Variants in IGSF11 observed in about 807,000 individuals in gnomAD.
The protein encoded by IGSF11 is CXADR like 1.
IGSF11 carries 22 observed loss-of-function variants against 41.0 expected under a neutral mutation model. That is an observed-to-expected ratio of 0.54 (90% CI 0.38 to 0.77). The LOEUF (loss-of-function observed/expected upper bound fraction) is 0.77, where lower values mean the gene tolerates loss of function less well. Ranked by LOEUF, IGSF11 falls within the 30% of genes least tolerant of loss-of-function variation. IGSF11 has a pLI of 0.00. For synonymous variants in IGSF11, 219 were observed against 201.3 expected (o/e 1.09, Z -0.74); for missense variants, 444 against 530.8 (o/e 0.84, Z 1.61).
chr3:119,076,144 A>G (rs1372237654), intron 1 of IGSF11, among the ~76,000 whole-genome samples: 1 of 152,246 alleles, frequency 6.6e-6, no homozygotes, highest in Non-Finnish European at 1.5e-5. Context: ...AAAACTGACA[A>G]AAACAAGAAA....
intron 1 of IGSF11, among the ~76,000 whole-genome samples, chr3:118,952,928 G>A (rs1421641483): frequency 1.3e-5 from 2 of 151,600 alleles, no homozygotes; most frequent in African/African-American, 4.9e-5. Flanking sequence ...TAGGTTTTTG[G>A]GGAACAGGTG....
intron 1 of IGSF11, among the ~76,000 whole-genome samples, chr3:119,113,799 G>C (rs554866425): frequency 6.6e-6 from 1 of 152,362 alleles, no homozygotes; most frequent in Non-Finnish European, 1.5e-5. Flanking sequence ...CCCTAGTAGA[G>C]GTTCTCCATG....
At chr3:119,043,293 A>T (rs1387851003) in intron 1 of IGSF11, among the ~76,000 whole-genome samples, 2 of 152,178 alleles carry the variant, frequency 1.3e-5, no homozygotes. Context: ...CTGTGCTCTC[A>T]GGCGATAGAT....
At chr3:118,917,181 C>T (rs1417462131) in intron 4 of IGSF11, among the ~76,000 whole-genome samples, 28 of 143,802 alleles carry the variant, frequency 1.9e-4, no homozygotes, top group South Asian at 4.6e-4. Flanking sequence ...GACACCCTAA[C>T]ATCACAATTA....
chr3:118,996,850 C>T (rs1454465283), intron 1 of IGSF11, among the ~76,000 whole-genome samples: 2 of 152,138 alleles, frequency 1.3e-5, no homozygotes, highest in Non-Finnish European at 2.9e-5. Flanking sequence ...CCGCCTGCCT[C>T]GGCCTCCCAA....
chr3:119,052,859 A>T (rs560206749), intron 1 of IGSF11, among the ~76,000 whole-genome samples: 50 of 152,306 alleles, frequency 3.3e-4, no homozygotes, highest in Admixed American at 2.1e-3. Context: ...GTCAATAAAT[A>T]TGATACACCA....
chr3:118,946,295 T>TC (rs1944136017), intron 1 of IGSF11, among the ~76,000 whole-genome samples: 1 of 150,834 alleles, frequency 6.6e-6, no homozygotes, highest in South Asian at 2.1e-4. Flanking sequence ...TCACACAACT[T>TC]CCCCCCGAAA....
intron 1 of IGSF11, among the ~76,000 whole-genome samples, chr3:119,071,116 C>T (rs1471798642): frequency 6.6e-6 from 1 of 152,166 alleles, no homozygotes; most frequent in African/African-American, 2.4e-5. Context: ...ACATGTGAAA[C>T]ACCAGAATCA....
chr3:119,066,877 T>C (rs558029495), intron 1 of IGSF11, among the ~76,000 whole-genome samples: 1 of 152,226 alleles, frequency 6.6e-6, no homozygotes, highest in Non-Finnish European at 1.5e-5. Flanking sequence ...TTTTTAGTTT[T>C]ATACATCTAT....
At chr3:119,039,043 T>C (rs752166598), upstream of IGSF11, among the ~76,000 whole-genome samples, 2 of 152,198 alleles carry the variant, frequency 1.3e-5, no homozygotes, top group Non-Finnish European at 2.9e-5. Flanking sequence ...ACAGCATCCA[T>C]GGTGATCCGA....
intron 1 of IGSF11, among the ~76,000 whole-genome samples, chr3:119,124,432 C>T (rs1374498455): frequency 1.3e-5 from 2 of 150,980 alleles, no homozygotes; most frequent in African/African-American, 2.4e-5. Context: ...ATGCCTGGCT[C>T]ATTTTCATAT....
chr3:118,973,143 C>T (rs777276353), intron 1 of IGSF11, among the ~76,000 whole-genome samples: 2 of 152,316 alleles, frequency 1.3e-5, no homozygotes, highest in South Asian at 2.1e-4. Flanking sequence ...GGATATGCCC[C>T]GCCCAGCAGG....
intron 1 of IGSF11, among the ~76,000 whole-genome samples, chr3:119,089,580 G>A (rs934660935): frequency 4.6e-5 from 7 of 152,304 alleles, no homozygotes; most frequent in Admixed American, 4.6e-4. Flanking sequence ...CCTAGCCAGA[G>A]CAATCAAACA....
intron 1 of IGSF11, among the ~76,000 whole-genome samples, chr3:119,076,795 C>A (rs1312551944): frequency 7.4e-6 from 1 of 135,472 alleles, no homozygotes; most frequent in African/African-American, 2.6e-5. Flanking sequence ...GAAATAGGAA[C>A]ACTTTTTTTT....
rs1408068553 is a variant in IGSF11, at chr3:118,900,934, T to C, written c.*1586A>G. The C allele has an allele frequency of 2.6e-5, 4 of 152,600 alleles. No individual in the cohort carries two copies. Among genetic ancestry groups the C allele is most frequent in the East Asian group, 1.9e-4 (1 of 5,196 alleles). 9.5% of individuals were successfully genotyped at this position (152,600 alleles called of 1,614,324 possible). On this transcript the variant is annotated 3_prime_UTR_variant, in exon 7 of 7. Coordinates refer to ENST00000393775, the MANE Select transcript of IGSF11 (RefSeq NM_001015887.3). Reference sequence around the variant, plus strand: ...AAACAGTGTTTGCAGCAGCTGTTGGTTTCCATTCATTCACATAACTGAAAA... The same window carrying C: ...AAACAGTGTTTGCAGCAGCTGTTGGCTTCCATTCATTCACATAACTGAAAA...
intron 1 of IGSF11, among the ~76,000 whole-genome samples, chr3:119,041,514 A>C (rs1392766054): frequency 6.6e-6 from 1 of 152,030 alleles, no homozygotes; most frequent in African/African-American, 2.4e-5. Context: ...GAACTCAGGA[A>C]GGAGAGGTTG....
At chr3:118,999,789 A>G (rs1936629464) in intron 1 of IGSF11, among the ~76,000 whole-genome samples, 1 of 152,192 alleles carries the variant, frequency 6.6e-6, no homozygotes, top group Admixed American at 6.5e-5. Context: ...TAGACCCAAA[A>G]TGACAGAATG....
In IGSF11 at chr3:118,930,101, A is replaced by G. The variant is rs751944255; in HGVS notation, c.216+11T>C. The G allele has an allele frequency of 6.2e-7, 1 of 1,609,650 alleles. No homozygotes were observed. The highest frequency in any genetic ancestry group is 8.5e-7 in the Non-Finnish European group (1 of 1,177,502). ...ACCTTTTAGAGGTAGCACAGGATGC[A>G]ACAGAAATACCTGTTCAGGTTGGTT... is the stretch of plus-strand genomic sequence containing the variant. On this transcript the variant is annotated intron_variant, in intron 2 of 6. Coordinates refer to ENST00000393775, the MANE Select transcript of IGSF11 (RefSeq NM_001015887.3).
chr3:118,965,013 T>C (rs867490149), intron 1 of IGSF11, among the ~76,000 whole-genome samples: 1 of 152,136 alleles, frequency 6.6e-6, no homozygotes, highest in Non-Finnish European at 1.5e-5. Flanking sequence ...CGAGAGGTTA[T>C]GTACCTTGCC....
Sources: allele counts gnomAD v4.1 joint callset (sites outside exome capture counted in the v4.1 genomes callset), GRCh38; gene constraint gnomAD v4.1.1; transcripts MANE v1.5; gene names NCBI Gene and HGNC (gene_info 2026-07-23, HGNC 2026-07-21).